The following CTNNA2 variants were observed in gnomAD, a reference collection of about 807,000 sequenced individuals.
CTNNA2 encodes the protein catenin alpha 2.
Under a neutral mutation model 101.0 loss-of-function variants are expected in CTNNA2, and 42 were observed. That is an observed-to-expected ratio of 0.42 (90% CI 0.32 to 0.54). The LOEUF is 0.54. CTNNA2 is among the 20% of genes least tolerant of loss of function. The pLI is 0.14. For missense variants in CTNNA2, 871 were observed against 1,223.1 expected (o/e 0.71, Z 4.29); for synonymous variants, 450 against 456.4 (o/e 0.99, Z 0.18).
chr2:80,003,684 A>C (rs556858912), intron 7 of CTNNA2, among the ~76,000 whole-genome samples: 99 of 152,312 alleles, frequency 6.5e-4, no homozygotes, highest in African/African-American at 2.3e-3. Context: ...AGGAGCACTG[A>C]ATTTGGAATG....
intron 2 of CTNNA2, among the ~76,000 whole-genome samples, chr2:79,703,413 C>T (rs1019148074): frequency 6.6e-6 from 1 of 152,214 alleles, no homozygotes; most frequent in East Asian, 1.9e-4. Context: ...CATTTCTGAA[C>T]ATTTTCTTAT....
At chr2:80,291,535 T>A (rs2149180056) in intron 7 of CTNNA2, among the ~76,000 whole-genome samples, 1 of 152,358 alleles carries the variant, frequency 6.6e-6, no homozygotes, top group Admixed American at 6.5e-5. Flanking sequence ...CAACTATGGC[T>A]GTGATTACAC....
At chr2:79,556,898 CT>C (rs34402259) in intron 1 of CTNNA2, among the ~76,000 whole-genome samples, 9 of 151,864 alleles carry the variant, frequency 5.9e-5, no homozygotes, top group Non-Finnish European at 5.9e-5. Context: ...TCAGCAGTAC[CT>C]TTTTGAGTCA....
chr2:79,621,529 A>G (rs909622916), intron 1 of CTNNA2, among the ~76,000 whole-genome samples: 1 of 152,236 alleles, frequency 6.6e-6, no homozygotes, highest in Non-Finnish European at 1.5e-5. Flanking sequence ...ACGATACAGT[A>G]GTATTGGATT....
At chr2:80,442,207 A>G (rs961587964) in intron 9 of CTNNA2, among the ~76,000 whole-genome samples, 1 of 152,140 alleles carries the variant, frequency 6.6e-6, no homozygotes, top group Non-Finnish European at 1.5e-5. Context: ...CCTTTAGGCC[A>G]CCCTTTTGAG....
Position 80,097,813 on chromosome 2 carries a change from A to C in CTNNA2, c.1056+188016A>C, listed in dbSNP as rs962755546. Among the ~76,000 whole-genome samples, 41 of 152,254 alleles carry C rather than the reference A, an allele frequency of 2.7e-4. No individual in the cohort carries two copies. In the Middle Eastern group the frequency reaches 0.01, roughly 38 times the overall value. ...TTGATCGCATTGCCTACTGAGGCTT[A>C]TGCATTCGTCACGTAGTTCTCGTGC... On this transcript the variant is annotated intron_variant, in intron 7 of 18. Coordinates refer to ENST00000402739, the MANE Select transcript of CTNNA2 (RefSeq NM_001282597.3).
chr2:79,672,978 GA>G (rs1682947413), intron 2 of CTNNA2, among the ~76,000 whole-genome samples: 1 of 152,020 alleles, frequency 6.6e-6, no homozygotes, highest in Non-Finnish European at 1.5e-5. Context: ...AAAGTGCTGG[GA>G]TTACAGGTGT....
At chr2:79,330,550 A>T (rs1194941250) in intron 3 of CTNNA2, among the ~76,000 whole-genome samples, 2 of 152,152 alleles carry the variant, frequency 1.3e-5, no homozygotes, top group Non-Finnish European at 2.9e-5. Flanking sequence ...TGGCTGGGTG[A>T]TATAGTTTGG....
At chr2:80,521,673 C>G (rs1284543808) in intron 9 of CTNNA2, among the ~76,000 whole-genome samples, 1 of 152,086 alleles carries the variant, frequency 6.6e-6, no homozygotes, top group Non-Finnish European at 1.5e-5. Context: ...GGGGCAGCCT[C>G]TAGGAGTGGG....
chr2:80,268,714 T>C (rs1673210855), intron 7 of CTNNA2, among the ~76,000 whole-genome samples: 1 of 152,246 alleles, frequency 6.6e-6, no homozygotes, highest in Non-Finnish European at 1.5e-5. Flanking sequence ...TAGGTGTATT[T>C]ATGGTGCTCT....
At chr2:79,616,913 T>TC (rs1558774400) in intron 1 of CTNNA2, among the ~76,000 whole-genome samples, 1 of 151,602 alleles carries the variant, frequency 6.6e-6, no homozygotes, top group African/African-American at 2.4e-5. Context: ...TTCTTTCTTT[T>TC]TTTTTCGAGA....
rs188488065 is a variant in CTNNA2, at chr2:79,643,389, G to A, written c.-5-8163G>A. 1.9e-3 allele frequency among the ~76,000 whole-genome samples: 291 copies of A among 152,102 alleles called. 1 individual carries two copies. Among genetic ancestry groups the A allele is most frequent in the African/African-American group, 6.1e-3 (252 of 41,480 alleles). On this transcript the variant is annotated intron_variant, in intron 1 of 18. Transcript: ENST00000402739. ...TTACAACAGTGGTTCTTAAAGTGTC[G>A]TTCCTGAACCAGCAGCAGCAGCAGC...
chr2:80,057,174 TG>T lies in CTNNA2; in HGVS notation c.1056+147378del, dbSNP rs573582432. On this transcript the variant is annotated intron_variant, in intron 7 of 18. Transcript: ENST00000402739. ...TCCATGGGATAAGAAGTATATAAGT[TG>T]TTTTTTTTTTTTTTTAAGGAAGACT... 1.2e-3 allele frequency among the ~76,000 whole-genome samples: 173 copies of T among 143,792 alleles called. 1 individual carries two copies. The highest frequency in any genetic ancestry group is 2.1e-3 in the African/African-American group (76 of 36,054). 94.3% of individuals were successfully genotyped at this position (143,792 alleles called of 152,430 possible). A position where few individuals can be genotyped will look rare whatever the true frequency, so the allele number is the denominator to read the frequency against.
chr2:79,526,284 A>G (rs1672401046), intron 1 of CTNNA2, among the ~76,000 whole-genome samples: 1 of 152,032 alleles, frequency 6.6e-6, no homozygotes, highest in Admixed American at 6.6e-5. Flanking sequence ...ACTCAAGAAA[A>G]TGCAAATACT....
Position 80,134,486 on chromosome 2 carries a change from C to T in CTNNA2, c.1056+224689C>T, listed in dbSNP as rs933005357. ...CTTCCAGGGGGGTTTGCAGAAAACC[C>T]GTTAATAAACTTCAACTTCATCCAT... On this transcript the variant is annotated intron_variant, in intron 7 of 18. Transcript: ENST00000402739. Among the ~76,000 whole-genome samples the T allele has an allele frequency of 5.3e-5, 8 of 152,226 alleles. No homozygotes were observed. The East Asian group carries it at 9.7e-4, about 18-fold the overall frequency.
chr2:80,399,446 A>G (rs749031754), intron 8 of CTNNA2, among the ~76,000 whole-genome samples: 7 of 152,292 alleles, frequency 4.6e-5, no homozygotes, highest in Admixed American at 2.0e-4. Context: ...TTGGCTTGAC[A>G]CTAGCAAGTC....
rs115337421 is a variant in CTNNA2 at position 79,851,674 on chromosome 2, T to C, written c.299-6339T>C. On this transcript the variant is annotated intron_variant, in intron 3 of 18. Transcript: ENST00000402739. ...AAAGGGAACAAACTGGTTAAGAGGA[T>C]TGGAAATTTTTGCCCTTTTTCTCAT... Among the ~76,000 whole-genome samples the C allele has an allele frequency of 5.6e-3, 852 of 151,594 alleles. 10 individuals are homozygous for C. Among genetic ancestry groups the C allele is most frequent in the African/African-American group, 0.02 (812 of 41,348 alleles).
intron 2 of CTNNA2, among the ~76,000 whole-genome samples, chr2:79,673,072 A>G (rs1317544460): frequency 1.4e-4 from 21 of 152,204 alleles, no homozygotes; most frequent in Non-Finnish European, 1.0e-4. Flanking sequence ...ATATTTACCA[A>G]TGACATTAAA....
At chr2:80,221,577 T>C (rs1183825848) in intron 7 of CTNNA2, among the ~76,000 whole-genome samples, 5 of 152,248 alleles carry the variant, frequency 3.3e-5, no homozygotes, top group Non-Finnish European at 7.3e-5. Flanking sequence ...TCTCCTTTCA[T>C]GAGCCACTTA....
Sources: gnomAD v4.1 joint callset for allele counts (sites outside exome capture counted in the v4.1 genomes callset) on GRCh38, gnomAD v4.1.1 for gene constraint, MANE v1.5 for transcripts, NCBI Gene and HGNC (gene_info 2026-07-23, HGNC 2026-07-21) for gene names.